The following ERO1A variants were observed in gnomAD, a reference collection of about 807,000 sequenced individuals.
ERO1A encodes endoplasmic reticulum oxidoreductase 1 alpha.
ERO1A carries 49 observed loss-of-function variants against 76.9 expected under a neutral mutation model. The ratio of observed to expected loss-of-function variants is 0.64; its 90% CI spans 0.51 to 0.81. ERO1A has a LOEUF of 0.81. ERO1A is among the 30% of genes least tolerant of loss of function. The probability of loss-of-function intolerance (pLI) is 0.00; values close to 1 mark genes in which losing one functional copy is unlikely to be tolerated. For synonymous variants in ERO1A, 174 were observed against 181.2 expected (o/e 0.96, Z 0.32); for missense variants, 448 against 542.1 (o/e 0.83, Z 1.72).
intron 6 of ERO1A, among the ~76,000 whole-genome samples, chr14:52,667,935 TA>T (rs1318909737): frequency 6.7e-6 from 1 of 149,906 alleles, no homozygotes; most frequent in Non-Finnish European, 1.5e-5. Flanking sequence ...TTTTTATTAT[TA>T]AAAAAAAACC....
At chr14:52,664,577 T>TTA (rs966595110) in intron 7 of ERO1A, among the ~76,000 whole-genome samples, 39 of 152,216 alleles carry the variant, frequency 2.6e-4, no homozygotes, top group Non-Finnish European at 4.4e-5. Flanking sequence ...TATACATTGT[T>TTA]TATATTGTTA....
chr14:52,665,293 T>C (rs2040374577), intron 7 of ERO1A, among the ~76,000 whole-genome samples: 2 of 97,754 alleles, frequency 2.0e-5, no homozygotes, highest in South Asian at 3.5e-4. Flanking sequence ...TGAGACTTCA[T>C]CTCAAAAAAA....
At chr14:52,646,683 C>T (rs1165778628) in intron 13 of ERO1A, 1 of 391,498 alleles carries the variant, frequency 2.6e-6, no homozygotes, top group African/African-American at 2.1e-5. Flanking sequence ...ATAATCTACA[C>T]CTAATGAATG....
At chr14:52,677,161 T>G (rs192735136) in intron 4 of ERO1A, among the ~76,000 whole-genome samples, 1 of 152,052 alleles carries the variant, frequency 6.6e-6, no homozygotes, top group Non-Finnish European at 1.5e-5. Context: ...TTAAAAAAAA[T>G]CACTTTGGCT....
rs2039660168 is a variant in ERO1A, at chr14:52,646,479, A to G, written c.1126-18T>C. On this transcript the variant is annotated intron_variant, in intron 13 of 15. Coordinates refer to ENST00000395686, the MANE Select transcript of ERO1A (RefSeq NM_014584.3). Reference sequence around the variant, plus strand: ...AAGTCCTCCTGAAAACAATTTAACAAGATTTTATTAAGATGTAATATACAG... The same window carrying G: ...AAGTCCTCCTGAAAACAATTTAACAGGATTTTATTAAGATGTAATATACAG... The G allele has an allele frequency of 6.4e-7, 1 of 1,569,730 alleles. No homozygotes were observed. The highest frequency in any genetic ancestry group is 1.1e-5 in the South Asian group (1 of 88,116).
intron 4 of ERO1A, among the ~76,000 whole-genome samples, chr14:52,674,770 T>C (rs2040724645): frequency 6.6e-6 from 1 of 152,216 alleles, no homozygotes; most frequent in Non-Finnish European, 1.5e-5. Context: ...TGCAGGATAA[T>C]GCTAACATTC....
At chr14:52,672,776 C>CAAAAAAAAAAAAAA (rs1226719026) in intron 4 of ERO1A, among the ~76,000 whole-genome samples, 11 of 61,082 alleles carry the variant, frequency 1.8e-4, no homozygotes, top group Non-Finnish European at 3.1e-4. Context: ...TGTCTCTGAC[C>CAAAAAAAAAAAAAA]AAAAAAAAAA....
intron 7 of ERO1A, 152 bp downstream of exon 7, chr14:52,666,223 G>A (rs1281111235): frequency 3.2e-6 from 2 of 628,950 alleles, no homozygotes; most frequent in Non-Finnish European, 5.3e-6. Flanking sequence ...TCCCCAGAAG[G>A]AAACTGGATT....
At chr14:52,644,769 TGTAAA>T (rs2039588518) in intron 15 of ERO1A, among the ~76,000 whole-genome samples, 1 of 152,148 alleles carries the variant, frequency 6.6e-6, no homozygotes, top group Non-Finnish European at 1.5e-5. Context: ...CACTAATTTT[TGTAAA>T]GTAAATTTTG....
chr14:52,695,398 CG>C lies in ERO1A; in HGVS notation c.83del (p.Pro28ArgfsTer52), dbSNP rs1359785900. ...LSSGHGEEQP[P>X]ETAAQRCFCQ... ...AGAAGCACCTCTGTGCCGCTGTCTC[CG>C]GGGGCTGCTCCTCTCCGTGGCCCGA... On this transcript the variant is annotated frameshift_variant, in exon 1 of 16. Coordinates refer to ENST00000395686, the MANE Select transcript of ERO1A (RefSeq NM_014584.3). LOFTEE classifies it high-confidence loss of function. 5 of 1,535,696 alleles carry C rather than the reference CG, an allele frequency of 3.3e-6. No homozygotes were observed. Among genetic ancestry groups the C allele is most frequent in the Non-Finnish European group, 4.4e-6 (5 of 1,139,734 alleles).
intron 8 of ERO1A, among the ~76,000 whole-genome samples, chr14:52,662,925 T>C (rs2139681113): frequency 6.6e-6 from 1 of 152,046 alleles, no homozygotes; most frequent in South Asian, 2.1e-4. Flanking sequence ...AATAAAATAA[T>C]GCTACACAGT....
chr14:52,658,596 T>C lies in ERO1A; in HGVS notation c.689-446A>G, dbSNP rs976984311. 3 of 153,730 alleles carry C rather than the reference T, an allele frequency of 2.0e-5. 1 individual carries two copies. The Admixed American group carries it at 2.0e-4, about 10-fold the overall frequency. 9.5% of individuals were successfully genotyped at this position (153,730 alleles called of 1,614,324 possible). A position where few individuals can be genotyped will look rare whatever the true frequency, so the allele number is the denominator to read the frequency against. On this transcript the variant is annotated intron_variant, in intron 9 of 15. Coordinates refer to ENST00000395686, the MANE Select transcript of ERO1A (RefSeq NM_014584.3). ...TACTATTTGTATTTAGCTGATAATA[T>C]TACATGCCATTCACTATTTCAAAAG...
chr14:52,681,861 ATAT>A (rs2041007457), intron 3 of ERO1A, among the ~76,000 whole-genome samples: 1 of 152,188 alleles, frequency 6.6e-6, no homozygotes, highest in East Asian at 1.9e-4. Context: ...TATGCTATAT[ATAT>A]AACTTGGTTC....
chr14:52,695,292 A>C, intron 1 of ERO1A, 76 bp downstream of exon 1: 1 of 1,003,308 alleles, frequency 1.0e-6, no homozygotes, highest in Non-Finnish European at 1.3e-6. Flanking sequence ...CCAGCCGCTC[A>C]CCCGCCAGGG....
intron 1 of ERO1A, 50 bp from the exon 2 acceptor site, chr14:52,683,957 G>A (rs1257289083): frequency 4.1e-6 from 6 of 1,466,096 alleles, no homozygotes; most frequent in Non-Finnish European, 4.6e-6. Context: ...AAATGCAACA[G>A]GGTTCTTTTT....
intron 1 of ERO1A, among the ~76,000 whole-genome samples, chr14:52,694,743 C>T (rs1202948749): frequency 1.3e-5 from 2 of 152,170 alleles, no homozygotes; most frequent in African/African-American, 4.8e-5. Flanking sequence ...TAAGGACCTT[C>T]CTCCCAATTC....
chr14:52,646,000 C>A (rs1197497146), intron 15 of ERO1A, among the ~76,000 whole-genome samples, 154 bp downstream of exon 15: 1 of 152,140 alleles, frequency 6.6e-6, no homozygotes. Context: ...CACGCCACTG[C>A]ACTCCAGCCT....
Position 52,678,431 on chromosome 14 carries a change from C to T in ERO1A, c.357+3G>A, listed in dbSNP as rs186712165. 5 of 1,613,002 alleles carry T rather than the reference C, an allele frequency of 3.1e-6. No homozygotes were observed. Among genetic ancestry groups the T allele is most frequent in the Admixed American group, 1.7e-5 (1 of 59,964 alleles). ...GGACACATCAATAGGTATACGTACA[C>T]ACCTTGTAGCTCGCAGATTTAATTC... On this transcript the variant is annotated splice_donor_region_variant and intron_variant, in intron 4 of 15. Coordinates refer to ENST00000395686, the MANE Select transcript of ERO1A (RefSeq NM_014584.3).
chr14:52,686,002 A>G (rs1326939386), intron 1 of ERO1A, among the ~76,000 whole-genome samples: 5 of 152,200 alleles, frequency 3.3e-5, no homozygotes, highest in Admixed American at 2.6e-4. Context: ...ACTTGAGGTC[A>G]GGAGTTGAAG....
Sources: gnomAD v4.1 joint callset for allele counts (sites outside exome capture counted in the v4.1 genomes callset) on GRCh38, gnomAD v4.1.1 for gene constraint, MANE v1.5 for transcripts, NCBI Gene and HGNC (gene_info 2026-07-23, HGNC 2026-07-21) for gene names.